The following SYN3 variants were observed in gnomAD, a reference collection of about 807,000 sequenced individuals.
SYN3 encodes the protein synapsin-3.
Under a neutral mutation model 65.8 loss-of-function variants are expected in SYN3, and 35 were observed. That is an observed-to-expected ratio of 0.53 (90% CI 0.41 to 0.70). The LOEUF (loss-of-function observed/expected upper bound fraction) is 0.70. Ranked by LOEUF, SYN3 falls within the 30% of genes least tolerant of loss-of-function variation. SYN3 has a pLI of 0.00. For missense variants in SYN3, 680 were observed against 749.0 expected, an observed-to-expected ratio of 0.91 and a Z score of 1.08; for synonymous variants, 270 against 292.9, an observed-to-expected ratio of 0.92 and a Z score of 0.80.
intron 6 of SYN3, among the ~76,000 whole-genome samples, chr22:32,793,585 C>T (rs2046367215): frequency 6.6e-6 from 1 of 152,128 alleles, no homozygotes; most frequent in Admixed American, 6.5e-5. Flanking sequence ...ATCTTCAGGG[C>T]CTAGCATGGA....
intron 1 of SYN3, among the ~76,000 whole-genome samples, chr22:33,050,299 T>C (rs957180227): frequency 2.0e-5 from 3 of 151,742 alleles, no homozygotes; most frequent in African/African-American, 7.3e-5. Context: ...CTGGCCAACA[T>C]ATTGAAACCC....
intron 6 of SYN3, among the ~76,000 whole-genome samples, chr22:32,730,169 A>T (rs965338513): frequency 2.0e-5 from 3 of 152,216 alleles, no homozygotes; most frequent in Non-Finnish European, 4.4e-5. Flanking sequence ...GGCTAAGACA[A>T]AGAATAACCA....
In SYN3 at chr22:33,035,743, T is replaced by C. The variant is rs55828224; in HGVS notation, c.-163+22549A>G. 5.9e-3 allele frequency among the ~76,000 whole-genome samples: 902 copies of C among 152,216 alleles called. 7 individuals are homozygous for C. Among genetic ancestry groups the C allele is most frequent in the South Asian group, 0.028 (135 of 4,820 alleles). On this transcript the variant is annotated intron_variant, in intron 1 of 13. Coordinates refer to ENST00000358763, the MANE Select transcript of SYN3 (RefSeq NM_003490.4). Reference sequence around the variant, plus strand: ...ATAGGCACGTACCACAAGGCCCAGATAATTTTTCATTTTTTATTGTGGAGA... The same window carrying C: ...ATAGGCACGTACCACAAGGCCCAGACAATTTTTCATTTTTTATTGTGGAGA...
intron 3 of SYN3, among the ~76,000 whole-genome samples, chr22:32,933,883 T>C (rs950066863): frequency 6.6e-6 from 1 of 152,204 alleles, no homozygotes; most frequent in African/African-American, 2.4e-5. Flanking sequence ...TATCATTTCA[T>C]GGCAACTTAA....
At chr22:32,955,373 G>A (rs2051421168) in intron 3 of SYN3, among the ~76,000 whole-genome samples, 1 of 152,054 alleles carries the variant, frequency 6.6e-6, no homozygotes, top group African/African-American at 2.4e-5. Flanking sequence ...GATAGGGGGT[G>A]GGGGGCAAGC....
At chr22:32,528,078 T>TTTCACTGCAGGACGGCTGGGAAA in intron 11 of SYN3, 73 bp from the exon 12 acceptor site, 1 of 1,159,104 alleles carries the variant, frequency 8.6e-7, no homozygotes. Context: ...GGGCAGCATT[T>TTTCACTGCAGGACGGCTGGGAAA]ATGAAGATCT....
intron 4 of SYN3, among the ~76,000 whole-genome samples, chr22:32,930,039 C>T (rs770184530): frequency 1.7e-4 from 26 of 152,098 alleles, no homozygotes; most frequent in African/African-American, 6.0e-4. Flanking sequence ...CCTAGCCCAC[C>T]GTTACTGGAA....
rs2046560898 is a variant in SYN3, at chr22:32,801,118, T to A, written c.711+63797A>T. Among the ~76,000 whole-genome samples, 1 of 152,154 alleles carries A rather than the reference T, an allele frequency of 6.6e-6. No individual in the cohort carries two copies. The highest frequency in any genetic ancestry group is 2.1e-4 in the South Asian group (1 of 4,832). On this transcript the variant is annotated intron_variant, in intron 6 of 13. Transcript: ENST00000358763. This position sits in a 1 kb window ranked among gnomAD's most constrained non-coding sequence, Gnocchi z 4.7. The stretch of plus-strand genomic sequence containing the variant: ...ACAGAAAACAGTCTTCTATCATATA[T>A]CATAGCCAGCTGCAAACAGCAGATG...
At chr22:32,727,224 T>C (rs560353119) in intron 6 of SYN3, among the ~76,000 whole-genome samples, 1 of 152,262 alleles carries the variant, frequency 6.6e-6, no homozygotes, top group South Asian at 2.1e-4. Flanking sequence ...CACTTATACG[T>C]GAGAACATGC....
chr22:33,033,601 A>G (rs2053794980), intron 1 of SYN3, among the ~76,000 whole-genome samples: 1 of 152,046 alleles, frequency 6.6e-6, no homozygotes, highest in East Asian at 1.9e-4. Flanking sequence ...TCACTGCCTC[A>G]CCCAGGGCCT....
chr22:32,980,554 C>T (rs147419328), intron 3 of SYN3, 91 bp downstream of exon 3: 12,123 of 1,190,808 alleles, frequency 0.01, 124 homozygotes, highest in Middle Eastern at 0.046. Context: ...TCATTATGAC[C>T]ACATAAGATG....
At chr22:32,531,405 A>C (rs947588469) in intron 10 of SYN3, among the ~76,000 whole-genome samples, 1 of 151,968 alleles carries the variant, frequency 6.6e-6, no homozygotes, top group Non-Finnish European at 1.5e-5. Flanking sequence ...TGTTTCCTAC[A>C]TTCCCTGCAG....
rs73158353 is a variant in SYN3 at position 32,852,660 on chromosome 22, A to G, written c.711+12255T>C. ...CTTCTCTCACTGATGGAAGGCAGGCAGACCTTCTCCCGTCTGCTAACTCTG... is the reference window on the plus strand; with the variant it reads ...CTTCTCTCACTGATGGAAGGCAGGCGGACCTTCTCCCGTCTGCTAACTCTG... On this transcript the variant is annotated intron_variant, in intron 6 of 13. Coordinates refer to ENST00000358763, the MANE Select transcript of SYN3 (RefSeq NM_003490.4). Among the ~76,000 whole-genome samples, 782 of 152,294 alleles carry G rather than the reference A, an allele frequency of 5.1e-3. 4 individuals carry two copies. Among genetic ancestry groups the G allele is most frequent in the Middle Eastern group, 0.017 (5 of 294 alleles).
chr22:32,594,183 G>A (rs1264159527), intron 7 of SYN3, among the ~76,000 whole-genome samples: 1 of 151,996 alleles, frequency 6.6e-6, no homozygotes, highest in Non-Finnish European at 1.5e-5. Flanking sequence ...TTAAAGAGGG[G>A]TTCGTTCATT....
chr22:32,679,116 G>A (rs1482744836), intron 6 of SYN3, among the ~76,000 whole-genome samples: 1 of 137,658 alleles, frequency 7.3e-6, no homozygotes, highest in Admixed American at 8.0e-5. Flanking sequence ...GCAGTGGTGC[G>A]ATCTTGGCTC....
chr22:32,960,867 C>G (rs1312840020), intron 3 of SYN3, among the ~76,000 whole-genome samples: 3 of 152,144 alleles, frequency 2.0e-5, no homozygotes, highest in Non-Finnish European at 2.9e-5. Context: ...GTGGCTCTAC[C>G]TGTAAAAATA....
At chr22:32,647,669 C>T (rs1251562548) in intron 6 of SYN3, among the ~76,000 whole-genome samples, 4 of 151,960 alleles carry the variant, frequency 2.6e-5, no homozygotes, top group African/African-American at 7.3e-5. Flanking sequence ...AGTGCAGTGG[C>T]GTGATCTCAG....
chr22:32,853,480 T>C (rs533437981), intron 6 of SYN3, among the ~76,000 whole-genome samples: 1 of 152,346 alleles, frequency 6.6e-6, no homozygotes, highest in South Asian at 2.1e-4. Context: ...ATAAGAAATA[T>C]GCAAATGTCC....
At chr22:32,618,148 A>G (rs961495017) in intron 6 of SYN3, among the ~76,000 whole-genome samples, 18 of 151,996 alleles carry the variant, frequency 1.2e-4, no homozygotes, top group Non-Finnish European at 2.5e-4. Flanking sequence ...CTCCCTAACC[A>G]CTAAATCTTT....
Sources: allele counts gnomAD v4.1 joint callset (sites outside exome capture counted in the v4.1 genomes callset), GRCh38; gene constraint gnomAD v4.1.1; non-coding constraint Gnocchi (gnomAD v3.1); transcripts MANE v1.5; gene names NCBI Gene and HGNC (gene_info 2026-07-23, HGNC 2026-07-21).